The following TRAPPC3L variants were observed in gnomAD, a reference collection of about 807,000 sequenced individuals.
The protein encoded by TRAPPC3L is trafficking protein particle complex subunit 3L, also known as trafficking protein particle complex subunit 3-like protein.
Under a neutral mutation model 23.7 loss-of-function variants are expected in TRAPPC3L, and 23 were observed. The ratio of observed to expected loss-of-function variants is 0.97; its 90% CI spans 0.70 to 1.37. The LOEUF (loss-of-function observed/expected upper bound fraction) is 1.37. Ranked by LOEUF, TRAPPC3L falls within the 40% of genes most tolerant of loss-of-function variation. TRAPPC3L has a pLI of 0.00. For synonymous variants in TRAPPC3L, 81 were observed against 77.9 expected (o/e 1.04, Z -0.21); for missense variants, 212 against 216.8 (o/e 0.98, Z 0.14).
At chr6:116,509,017 AGT>A (rs1183036333) in intron 3 of TRAPPC3L, among the ~76,000 whole-genome samples, 2 of 151,872 alleles carry the variant, frequency 1.3e-5, no homozygotes, top group African/African-American at 4.8e-5. Context: ...TACCCAAATC[AGT>A]AGCCCTGCTA....
chr6:116,545,467 T>G lies in TRAPPC3L; in HGVS notation c.42+6A>C. On this transcript the variant is annotated splice_donor_region_variant and intron_variant, in intron 1 of 4. Transcript: ENST00000368602. ...TAGAAAAAATCTCTTTGTAGAAAGA[T>G]CTTACTATTTTATGGTATTCTGGTC... The G allele has an allele frequency of 1.3e-6, 2 of 1,543,940 alleles. No individual in the cohort carries two copies. The highest frequency in any genetic ancestry group is 1.2e-5 in the South Asian group (1 of 82,708).
intron 1 of TRAPPC3L, chr6:116,543,878 TTTC>T: frequency 1.3e-6 from 2 of 1,529,120 alleles, no homozygotes; most frequent in Non-Finnish European, 1.7e-6. Context: ...AATTTGTGAG[TTTC>T]TTTTCTTTTT....
At chr6:116,512,159 A>G in intron 3 of TRAPPC3L, 3 of 1,613,164 alleles carry the variant, frequency 1.9e-6, no homozygotes, top group Non-Finnish European at 2.5e-6. Flanking sequence ...AGAACTTCAC[A>G]AAGTATCTTG....
At chr6:116,498,891 T>A (rs925791918) in intron 4 of TRAPPC3L, among the ~76,000 whole-genome samples, 2 of 152,208 alleles carry the variant, frequency 1.3e-5, no homozygotes, top group Non-Finnish European at 2.9e-5. Flanking sequence ...TTTTATTGCT[T>A]CCTATGGTTC....
chr6:116,499,907 A>T (rs1771887310), intron 4 of TRAPPC3L, among the ~76,000 whole-genome samples: 1 of 152,240 alleles, frequency 6.6e-6, no homozygotes, highest in East Asian at 1.9e-4. Flanking sequence ...TCAGTGCCTG[A>T]CACTTAGCAG....
At chr6:116,513,745 A>C (rs1489383776) in intron 3 of TRAPPC3L, among the ~76,000 whole-genome samples, 3 of 152,210 alleles carry the variant, frequency 2.0e-5, no homozygotes, top group Non-Finnish European at 4.4e-5. Context: ...ATGTGCCTGG[A>C]GGCGGAAAAG....
At chr6:116,505,605 C>T (rs1771991110) in intron 3 of TRAPPC3L, among the ~76,000 whole-genome samples, 1 of 152,176 alleles carries the variant, frequency 6.6e-6, no homozygotes, top group Non-Finnish European at 1.5e-5. Flanking sequence ...ATCACGCTAC[C>T]TGACTTCAAA....
chr6:116,541,715 A>T (rs1426536179), intron 2 of TRAPPC3L, among the ~76,000 whole-genome samples: 1 of 152,220 alleles, frequency 6.6e-6, no homozygotes, highest in Non-Finnish European at 1.5e-5. Context: ...TAGTTGTATC[A>T]GGATTAAAAA....
At chr6:116,526,102 C>T (rs1219572515) in intron 3 of TRAPPC3L, among the ~76,000 whole-genome samples, 1 of 152,158 alleles carries the variant, frequency 6.6e-6, no homozygotes, top group Admixed American at 6.5e-5. Flanking sequence ...TGATCCATTT[C>T]CACCTTATTT....
chr6:116,511,789 G>C, intron 3 of TRAPPC3L: 1 of 1,614,112 alleles, frequency 6.2e-7, no homozygotes, highest in South Asian at 1.1e-5. Flanking sequence ...TGGGAAGTGA[G>C]CGTCTCTTTT....
At chr6:116,497,096 G>C (rs768666204) in intron 4 of TRAPPC3L, 23 bp from the exon 5 acceptor site, 23 of 1,512,238 alleles carry the variant, frequency 1.5e-5, no homozygotes, top group Non-Finnish European at 2.0e-5. Context: ...AAAAAAACAG[G>C]CCTGTGTCAT....
At chr6:116,507,940 C>A (rs962232086) in intron 3 of TRAPPC3L, among the ~76,000 whole-genome samples, 1 of 152,148 alleles carries the variant, frequency 6.6e-6, no homozygotes, top group African/African-American at 2.4e-5. Flanking sequence ...ACTGCCAAGA[C>A]CATGCTATAA....
At chr6:116,503,130 T>C (rs909917319) in intron 3 of TRAPPC3L, among the ~76,000 whole-genome samples, 1 of 151,702 alleles carries the variant, frequency 6.6e-6, no homozygotes, top group African/African-American at 2.4e-5. Flanking sequence ...AGGAGACCCA[T>C]CTCATGTGCA....
At chr6:116,543,261 G>C in intron 2 of TRAPPC3L, 42 bp downstream of exon 2, 1 of 1,454,774 alleles carries the variant, frequency 6.9e-7, no homozygotes, top group Middle Eastern at 1.7e-4. Context: ...GGTGATGTAA[G>C]AAACAACAGC....
At chr6:116,500,784 A>G (rs1432330478) in intron 3 of TRAPPC3L, 118 bp from the exon 4 acceptor site, 1 of 847,082 alleles carries the variant, frequency 1.2e-6, no homozygotes. Context: ...TGGAGTCTAT[A>G]GTCAGGAAGT....
chr6:116,534,675 G>A (rs984574480), intron 3 of TRAPPC3L, among the ~76,000 whole-genome samples: 1 of 151,916 alleles, frequency 6.6e-6, no homozygotes, highest in Non-Finnish European at 1.5e-5. Context: ...CCTGCTTTAG[G>A]CACCCTCATT....
chr6:116,516,704 TATATAC>T (rs1401261373), intron 3 of TRAPPC3L: 7 of 123,186 alleles, frequency 5.7e-5, no homozygotes, highest in African/African-American at 1.4e-4. Context: ...TATATATATA[TATATAC>T]ACACACACAG....
chr6:116,504,910 C>A (rs915034237), intron 3 of TRAPPC3L, among the ~76,000 whole-genome samples: 2 of 152,162 alleles, frequency 1.3e-5, no homozygotes, highest in African/African-American at 4.8e-5. Flanking sequence ...CAGCCAATAT[C>A]ATATTGAATG....
At chr6:116,498,654 G>A (rs1478981152) in intron 4 of TRAPPC3L, among the ~76,000 whole-genome samples, 3 of 152,172 alleles carry the variant, frequency 2.0e-5, no homozygotes, top group East Asian at 3.8e-4. Context: ...TTTCCCAAAG[G>A]AGCTTTTACC....
Sources: gnomAD v4.1 joint callset for allele counts (sites outside exome capture counted in the v4.1 genomes callset) on GRCh38, gnomAD v4.1.1 for gene constraint, MANE v1.5 for transcripts, NCBI Gene and HGNC (gene_info 2026-07-23, HGNC 2026-07-21) for gene names.